Variants in KPNA3 observed in about 807,000 individuals in gnomAD.
KPNA3 encodes importin subunit alpha-4.
In KPNA3, 13 loss-of-function variants were observed where a neutral mutation model predicts 73.8. The observed-to-expected ratio is 0.18, with a 90% confidence interval of 0.11 to 0.28. The LOEUF (loss-of-function observed/expected upper bound fraction) is 0.28, where lower values mean the gene tolerates loss of function less well. Among genes scored for constraint, KPNA3 ranks in the 10% least tolerant of loss-of-function variants. The pLI, the probability that KPNA3 is intolerant of heterozygous loss-of-function variation, is 1.00. For synonymous variants in KPNA3, 186 were observed against 206.9 expected (o/e 0.90, Z 0.87); for missense variants, 360 against 618.1 (o/e 0.58, Z 4.43).
intron 6 of KPNA3, among the ~76,000 whole-genome samples, chr13:49,731,424 CCTTTA>C (rs991052727): frequency 1.2e-4 from 18 of 151,990 alleles, no homozygotes; most frequent in African/African-American, 4.3e-4. Flanking sequence ...ATAAAACTTA[CCTTTA>C]CTTAAGTAAC....
At chr13:49,787,059 T>C (rs1954988496) in intron 1 of KPNA3, among the ~76,000 whole-genome samples, 1 of 152,150 alleles carries the variant, frequency 6.6e-6, no homozygotes, top group South Asian at 2.1e-4. Context: ...GAGTCAAGGA[T>C]AGAATCTTAA....
chr13:49,745,045 T>C (rs1237364315), intron 2 of KPNA3, among the ~76,000 whole-genome samples: 2 of 152,160 alleles, frequency 1.3e-5, no homozygotes, highest in Admixed American at 1.3e-4. Context: ...TTTGTAAGGA[T>C]ATATTTGGTT....
Position 49,759,853 on chromosome 13 carries a change from C to T in KPNA3, c.70-12860G>A, listed in dbSNP as rs372129214. On this transcript the variant is annotated intron_variant, in intron 1 of 16. Coordinates refer to ENST00000261667, the MANE Select transcript of KPNA3 (RefSeq NM_002267.4). ...TGGTAGTGGTCCAGGGTTGGGGATC[C>T]CTGGTCTAGCTTAAAGAAGGAGTGA... 1.5e-4 allele frequency among the ~76,000 whole-genome samples: 23 copies of T among 152,240 alleles called. No individual in the cohort carries two copies. In the South Asian group the frequency reaches 2.3e-3, roughly 15 times the overall value.
chr13:49,737,294 T>G (rs56928677), intron 2 of KPNA3, among the ~76,000 whole-genome samples: 3,085 of 152,306 alleles, frequency 0.02, 41 homozygotes, highest in South Asian at 0.03. Context: ...CCGGAGTGAC[T>G]GTACCATTTT....
rs141705228 is a variant in KPNA3, at chr13:49,771,283, C to CA, written c.69+21154dup. On this transcript the variant is annotated intron_variant, in intron 1 of 16. Transcript: ENST00000261667. ...AACATTAACTCTTCCAATCCATGAA[C>CA]ATGAAATATATTTCCATTTACTTAG... Among the ~76,000 whole-genome samples the CA allele has an allele frequency of 3.9e-3, 597 of 152,226 alleles. 5 individuals carry two copies. Among genetic ancestry groups the CA allele is most frequent in the African/African-American group, 0.014 (577 of 41,542 alleles).
intron 4 of KPNA3, 23 bp downstream of exon 4, chr13:49,732,724 A>T (rs765745692): frequency 7.6e-6 from 12 of 1,585,214 alleles, no homozygotes; most frequent in Non-Finnish European, 7.8e-6. Flanking sequence ...CTTCAAAACG[A>T]GAGTATTAAT....
rs531889315 is a variant in KPNA3 at position 49,733,110 on chromosome 13, A to C, written c.115-64T>G. 5.2e-6 allele frequency: 5 copies of C among 967,756 alleles called. No homozygotes were observed. The East Asian group carries it at 1.2e-4, about 23-fold the overall frequency. The allele number at this position is 967,756 out of a possible 1,614,324, so 59.9% of individuals were successfully genotyped here. ...ACTACTGTTAATGAAAAATCCATTA[A>C]AACTACTTCAACTTTATTAGGCAAT... On this transcript the variant is annotated intron_variant, in intron 2 of 16. Transcript: ENST00000261667.
chr13:49,719,735 C>G (rs1317101716), intron 10 of KPNA3, 40 bp downstream of exon 10: 1 of 1,437,296 alleles, frequency 7.0e-7, no homozygotes, highest in Admixed American at 1.7e-5. Context: ...TCTGTCCCAT[C>G]AAGAGCAAAA....
At chr13:49,747,346 C>G (rs1375418902) in intron 1 of KPNA3, among the ~76,000 whole-genome samples, 3 of 140,958 alleles carry the variant, frequency 2.1e-5, no homozygotes, top group Admixed American at 1.4e-4. Flanking sequence ...GACTGCATCT[C>G]AAAAAAAAGA....
At chr13:49,735,310 C>T (rs766241102) in intron 2 of KPNA3, among the ~76,000 whole-genome samples, 4 of 152,106 alleles carry the variant, frequency 2.6e-5, no homozygotes, top group South Asian at 2.1e-4. Flanking sequence ...TTAGTAGAGA[C>T]GGGGTTTCTC....
At chr13:49,729,095 G>A (rs1954437905) in intron 6 of KPNA3, among the ~76,000 whole-genome samples, 1 of 152,296 alleles carries the variant, frequency 6.6e-6, no homozygotes, top group African/African-American at 2.4e-5. Context: ...GACCTTGATG[G>A]AGCTTATGTT....
intron 6 of KPNA3, among the ~76,000 whole-genome samples, chr13:49,726,755 C>T (rs1347802773): frequency 6.6e-6 from 1 of 151,596 alleles, no homozygotes; most frequent in Admixed American, 6.6e-5. Context: ...CCAGCCTGGG[C>T]AACACGGTGA....
intron 6 of KPNA3, among the ~76,000 whole-genome samples, chr13:49,728,382 C>T (rs552969434): frequency 3.5e-4 from 54 of 152,208 alleles, no homozygotes; most frequent in African/African-American, 1.2e-3. Flanking sequence ...ATAACCAATA[C>T]CAGACATCTT....
At chr13:49,707,459 C>T (rs1043596133) in intron 12 of KPNA3, among the ~76,000 whole-genome samples, 1 of 152,176 alleles carries the variant, frequency 6.6e-6, no homozygotes, top group Non-Finnish European at 1.5e-5. Context: ...GTAACTTCTA[C>T]TTCCAGGGTC....
intron 2 of KPNA3, among the ~76,000 whole-genome samples, chr13:49,736,399 G>C (rs1298956040): frequency 1.3e-5 from 2 of 152,146 alleles, no homozygotes; most frequent in African/African-American, 2.4e-5. Flanking sequence ...ATCATGTTAA[G>C]AACTGACAAT....
At chr13:49,714,180 A>G (rs1167329819) in intron 10 of KPNA3, among the ~76,000 whole-genome samples, 2 of 152,212 alleles carry the variant, frequency 1.3e-5, no homozygotes, top group Non-Finnish European at 2.9e-5. Context: ...TAAACTACGG[A>G]TTTTGGGTGA....
chr13:49,760,482 A>G (rs1359658436), intron 1 of KPNA3, among the ~76,000 whole-genome samples: 4 of 152,178 alleles, frequency 2.6e-5, no homozygotes, highest in South Asian at 2.1e-4. Flanking sequence ...CTCCAACAAT[A>G]AAGTGCATAA....
chr13:49,768,318 A>G (rs1479227112), intron 1 of KPNA3, among the ~76,000 whole-genome samples: 1 of 151,286 alleles, frequency 6.6e-6, no homozygotes, highest in African/African-American at 2.4e-5. Flanking sequence ...AGAAGCCAAT[A>G]TGCACTGTAG....
intron 2 of KPNA3, among the ~76,000 whole-genome samples, chr13:49,737,297 A>T (rs546247197): frequency 4.6e-5 from 7 of 152,272 alleles, no homozygotes; most frequent in Admixed American, 1.3e-4. Context: ...GAGTGACTGT[A>T]CCATTTTACA....
Sources: gnomAD v4.1 joint callset for allele counts (sites outside exome capture counted in the v4.1 genomes callset) on GRCh38, gnomAD v4.1.1 for gene constraint, MANE v1.5 for transcripts, NCBI Gene and HGNC (gene_info 2026-07-23, HGNC 2026-07-21) for gene names.